The following NEK4 variants were observed in gnomAD, a reference collection of about 807,000 sequenced individuals.
The protein encoded by NEK4 is NIMA related kinase 4.
In NEK4, 86 loss-of-function variants were observed where a neutral mutation model predicts 98.4. That is an observed-to-expected ratio of 0.87 (90% CI 0.73 to 1.05). The LOEUF (loss-of-function observed/expected upper bound fraction) is 1.05. NEK4 is among the 50% of genes least tolerant of loss of function. NEK4 has a pLI of 0.00. For synonymous variants in NEK4, 328 were observed against 342.2 expected (o/e 0.96, Z 0.46); for missense variants, 898 against 950.3 (o/e 0.94, Z 0.72).
chr3:52,747,784 TA>T (rs71087012), intron 8 of NEK4, among the ~76,000 whole-genome samples: 9,024 of 137,642 alleles, frequency 0.066, 340 homozygotes, highest in Non-Finnish European at 0.092. Context: ...CATCTCCATT[TA>T]AAAAAAAAAA....
chr3:52,762,978 G>A (rs532259477), intron 5 of NEK4, among the ~76,000 whole-genome samples: 3 of 152,082 alleles, frequency 2.0e-5, no homozygotes, highest in East Asian at 1.9e-4. Flanking sequence ...TATGAAATAC[G>A]TCCTCCCTGT....
In NEK4 at chr3:52,741,438, T is replaced by C; in HGVS notation, c.2066A>G (p.Asp689Gly). 1 of 1,608,662 alleles carries C rather than the reference T, an allele frequency of 6.2e-7. No individual in the cohort carries two copies. The highest frequency in any genetic ancestry group is 8.5e-7 in the Non-Finnish European group (1 of 1,175,140). Residue 689 changes from aspartate to glycine, a missense_variant, in exon 13 of 16, where the codon GAT becomes GGT. Coordinates refer to ENST00000233027, the MANE Select transcript of NEK4 (RefSeq NM_003157.6). The stretch of plus-strand genomic sequence containing the variant: ...TTCCCCGTAATCCCCATCTGACTTA[T>C]CAGTTGAACTTGTAGAAGAACTTAA... ...DELSSSTSST[D>G]KSDGDYGEGK... is the part of the protein sequence containing the mutation.
rs1278003214 is a variant in NEK4 at position 52,710,929 on chromosome 3, T to C, written c.*848A>G. 6.6e-6 allele frequency: 1 copy of C among 152,582 alleles called. No individual in the cohort carries two copies. Among genetic ancestry groups the C allele is most frequent in the African/African-American group, 2.4e-5 (1 of 41,442 alleles). The allele number at this position is 152,582 out of a possible 1,614,324, so 9.5% of individuals were successfully genotyped here. Reference sequence around the variant, plus strand: ...AACTAATAAAATATGTGCTATATAATCATACATTTAAAACATGGAAAGACA... The same window carrying C: ...AACTAATAAAATATGTGCTATATAACCATACATTTAAAACATGGAAAGACA... On this transcript the variant is annotated 3_prime_UTR_variant, in exon 16 of 16. Coordinates refer to ENST00000233027, the MANE Select transcript of NEK4 (RefSeq NM_003157.6).
intron 15 of NEK4, among the ~76,000 whole-genome samples, chr3:52,735,871 C>A (rs567428504): frequency 6.6e-6 from 1 of 152,152 alleles, no homozygotes; most frequent in Non-Finnish European, 1.5e-5. Flanking sequence ...TAAATTGATA[C>A]CTGTTAGCAT....
chr3:52,741,346 T>C, intron 13 of NEK4, 65 bp downstream of exon 13: 7 of 941,538 alleles, frequency 7.4e-6, no homozygotes, highest in Non-Finnish European at 1.2e-5. Flanking sequence ...CTACTGAAAA[T>C]GCACATTTAA....
rs758271247 is a variant in NEK4, at chr3:52,763,491, AAGG to A, written c.797_799del (p.Ser266del). 2.7e-5 allele frequency: 43 copies of A among 1,613,170 alleles called. No individual in the cohort carries two copies. In the African/African-American group the frequency reaches 4.8e-4, roughly 18 times the overall value. ...TTACATCTTTGTGGCCTCCAAAAAGAAGGAGATTTGCCGCTTTATATAAGGCTG... is the reference window on the plus strand; with the variant it reads ...TTACATCTTTGTGGCCTCCAAAAAGAAGATTTGCCGCTTTATATAAGGCTG... On this transcript the variant is annotated inframe_deletion, in exon 5 of 16. Coordinates refer to ENST00000233027, the MANE Select transcript of NEK4 (RefSeq NM_003157.6).
intron 15 of NEK4, 48 bp from the exon 16 acceptor site, chr3:52,711,917 A>G (rs2097350812): frequency 1.9e-6 from 2 of 1,054,098 alleles, no homozygotes; most frequent in Non-Finnish European, 2.8e-6. Context: ...GTAGGAAAAA[A>G]TATTTCTGTA....
At chr3:52,717,154 C>T (rs981321394) in intron 15 of NEK4, among the ~76,000 whole-genome samples, 1 of 152,036 alleles carries the variant, frequency 6.6e-6, no homozygotes, top group African/African-American at 2.4e-5. Flanking sequence ...CACCTGTAAT[C>T]CCAGTACTTT....
At chr3:52,767,504 G>A (rs1391722941) in intron 2 of NEK4, among the ~76,000 whole-genome samples, 1 of 151,880 alleles carries the variant, frequency 6.6e-6, no homozygotes, top group Non-Finnish European at 1.5e-5. Context: ...CTGAGGTCAA[G>A]AGTTCGAGAC....
chr3:52,716,452 C>T (rs1308311375), intron 15 of NEK4, among the ~76,000 whole-genome samples: 1 of 152,200 alleles, frequency 6.6e-6, no homozygotes, highest in Non-Finnish European at 1.5e-5. Context: ...ATGAAGCTCT[C>T]TCTGTTTTAA....
chr3:52,745,282 A>G (rs541797280), intron 10 of NEK4, among the ~76,000 whole-genome samples: 61 of 152,014 alleles, frequency 4.0e-4, no homozygotes, highest in African/African-American at 1.4e-3. Context: ...GTCCATTTCA[A>G]TCAAAGATTC....
At position 52,752,335 on chromosome 3, in the gene NEK4, C is replaced by A. The variant is rs751473373; in HGVS notation, c.965G>T (p.Gly322Val). The A allele has an allele frequency of 3.1e-6, 5 of 1,606,804 alleles. No individual in the cohort carries two copies. The East Asian group carries it at 8.9e-5, about 29-fold the overall frequency. ...CTCCTGGGACAAACATTTGCCTTCA[C>A]CCTGAATGAAAAGATGTTTGGAAAT... ...SSEGSQTYIM[G>V]EGKCLSQEKP... The change falls in exon 7 of 16, where the codon GGT (glycine) becomes GTT (valine). Residue 322 changes from glycine (G) to valine (V), a missense_variant and splice_region_variant. Physicochemically the swap from Gly to Val is moderately radical, Grantham distance 109 (BLOSUM62 -3). Transcript: ENST00000233027.
chr3:52,770,762 C>T lies in NEK4; in HGVS notation c.-16G>A, dbSNP rs369128772. 41 of 1,553,354 alleles carry T rather than the reference C, an allele frequency of 2.6e-5. No homozygotes were observed. The highest frequency in any genetic ancestry group is 3.0e-5 in the Non-Finnish European group (34 of 1,149,868). On this transcript the variant is annotated 5_prime_UTR_variant, in exon 1 of 16. Coordinates refer to ENST00000233027, the MANE Select transcript of NEK4 (RefSeq NM_003157.6). ...CCAGGGGCATGTTCCCAGCGCTGGC[C>T]CAGAGTCGGGATGCGGCGGCAGCGG...
intron 7 of NEK4, among the ~76,000 whole-genome samples, chr3:52,750,074 T>G (rs1222773356): frequency 6.6e-6 from 1 of 152,250 alleles, no homozygotes; most frequent in Non-Finnish European, 1.5e-5. Flanking sequence ...AGTTACCATA[T>G]GACCCAGGAA....
At position 52,763,618 on chromosome 3, in the gene NEK4, G is replaced by T. The variant is rs1029871; in HGVS notation, c.673C>A (p.Pro225Thr). The T allele has an allele frequency of 1.3e-6, 2 of 1,584,972 alleles. No individual in the cohort carries two copies. The highest frequency in any genetic ancestry group is 1.7e-6 in the Non-Finnish European group (2 of 1,166,054). Residue 225 changes from proline (P) to threonine (T), a missense_variant, in exon 5 of 16, where the codon CCA (proline) becomes ACA (threonine). By Grantham distance (38) the Pro-to-Thr change is conservative (BLOSUM62 -1). Transcript: ENST00000233027. ...TCTGGGCTGTAATCTCTTGGCATTGGTGGCAGCTACAAATAAAAATAATAT... is the reference window on the plus strand; with the variant it reads ...TCTGGGCTGTAATCTCTTGGCATTGTTGGCAGCTACAAATAAAAATAATAT... ...VYRIIEGKLP[P>T]MPRDYSPELA...
intron 15 of NEK4, among the ~76,000 whole-genome samples, chr3:52,728,606 C>T (rs1006686544): frequency 2.0e-5 from 3 of 152,054 alleles, no homozygotes; most frequent in African/African-American, 7.2e-5. Flanking sequence ...GTCAGTGCAC[C>T]TTGAAAAAGA....
chr3:52,735,788 A>G (rs2097375017), intron 15 of NEK4, among the ~76,000 whole-genome samples: 2 of 152,246 alleles, frequency 1.3e-5, no homozygotes. Flanking sequence ...AATAAAAAGA[A>G]TTTACATGAT....
At chr3:52,752,933 T>TATATACACACACACACACAC (rs148965312) in intron 6 of NEK4, among the ~76,000 whole-genome samples, 1 of 75,566 alleles carries the variant, frequency 1.3e-5, no homozygotes, top group African/African-American at 5.4e-5. Flanking sequence ...TATATATATA[T>TATATACACACACACACACAC]ACACACACAC....
chr3:52,737,829 T>C (rs1365437085), intron 14 of NEK4, 110 bp from the exon 15 acceptor site: 2 of 835,156 alleles, frequency 2.4e-6, no homozygotes, highest in Non-Finnish European at 3.5e-6. Context: ...TTATTTTATT[T>C]TTGAGACGGA....
Sources: allele counts gnomAD v4.1 joint callset (sites outside exome capture counted in the v4.1 genomes callset), GRCh38; gene constraint gnomAD v4.1.1; transcripts MANE v1.5; gene names NCBI Gene and HGNC (gene_info 2026-07-23, HGNC 2026-07-21).